Variants in CFAP47 observed in about 807,000 individuals in gnomAD.
The protein encoded by CFAP47 is cilia and flagella associated protein 47, also known as cilia- and flagella-associated protein 47.
In CFAP47, 29 loss-of-function variants were observed where a neutral mutation model predicts 148.1. That is an observed-to-expected ratio of 0.20 (90% CI 0.15 to 0.27). CFAP47 has a LOEUF of 0.27. Ranked by LOEUF, CFAP47 falls within the 10% of genes least tolerant of loss-of-function variation. The pLI is 1.00. For missense variants in CFAP47, 1,872 were observed against 1,697.5 expected, an observed-to-expected ratio of 1.10 and a Z score of -1.81; for synonymous variants, 664 against 577.3, an observed-to-expected ratio of 1.15 and a Z score of -2.15.
At chrX:36,312,464 C>G (rs868923196) in intron 56 of CFAP47, among the ~76,000 whole-genome samples, 1 of 110,158 alleles carries the variant, frequency 9.1e-6, no homozygotes, top group Admixed American at 9.7e-5. Flanking sequence ...TTTAGATATG[C>G]ACCAAAAAAA....
Position 35,989,431 on chromosome X carries a change from G to T in CFAP47, c.2826G>T (p.Lys942Asn), listed in dbSNP as rs1357329845. Residue 942 changes from lysine to asparagine, a missense_variant, in exon 16 of 64, where the codon AAG becomes AAT. Lys to Asn is a moderately conservative substitution (Grantham distance 94). Transcript: ENST00000378653. ...ATGTCTTTCAAGGAAACGCGTTGAA[G>T]CTAAAATGTGTTGCACATGTAATTA... The part of the protein sequence containing the change: ...ILHVFQGNAL[K>N]LKCVAHLGRT... The T allele has an allele frequency of 8.3e-7, 1 of 1,209,416 alleles. No homozygotes were observed. The highest frequency in any genetic ancestry group is 1.1e-6 in the Non-Finnish European group (1 of 894,594).
chrX:36,354,208 G>A (rs1941766530), intron 60 of CFAP47, among the ~76,000 whole-genome samples: 1 of 111,310 alleles, frequency 9.0e-6, no homozygotes, highest in South Asian at 3.8e-4. Flanking sequence ...CGGGCCAGGT[G>A]CGGTGGCTCA....
At chrX:36,330,239 A>AGC (rs781933613) in intron 57 of CFAP47, among the ~76,000 whole-genome samples, 19,682 of 111,144 alleles carry the variant, frequency 0.18, 1,361 homozygotes, top group South Asian at 0.3. Context: ...TTGCTGCATT[A>AGC]ATACTGAGTA....
At chrX:36,160,881 G>A (rs1034385144) in intron 39 of CFAP47, 112 bp downstream of exon 39, 4 of 222,967 alleles carry the variant, frequency 1.8e-5, no homozygotes, top group Admixed American at 1.8e-4. Context: ...AGACAGTCTC[G>A]CTCTGTGGTC....
In CFAP47 at chrX:36,211,563, C is replaced by A. The variant is rs782335319; in HGVS notation, c.6817+6453C>A. The A allele has an allele frequency of 1.3e-5, 4 of 297,357 alleles. No homozygotes were observed. In the East Asian group the frequency reaches 3.7e-4, roughly 27 times the overall value. The allele number at this position is 297,357 out of a possible 1,213,427, so 24.5% of individuals were successfully genotyped here. A position where few individuals can be genotyped will look rare whatever the true frequency, so the allele number is the denominator to read the frequency against. On this transcript the variant is annotated intron_variant, in intron 45 of 63. Coordinates refer to ENST00000378653, the MANE Select transcript of CFAP47 (RefSeq NM_001304548.2). ...GCCTCATGAAAAGAAGGCTGTGAAGCTGAAGGAAAAATACAAAAAGGATAT... is the reference window on the plus strand; with the variant it reads ...GCCTCATGAAAAGAAGGCTGTGAAGATGAAGGAAAAATACAAAAAGGATAT...
At chrX:36,140,934 T>G (rs1223225615) in intron 35 of CFAP47, among the ~76,000 whole-genome samples, 6 of 111,513 alleles carry the variant, frequency 5.4e-5, no homozygotes. Flanking sequence ...ATGCATGTTT[T>G]GTTCCCTCAT....
In CFAP47 at chrX:36,008,535, C is replaced by T. The variant is rs182784256; in HGVS notation, c.3418-6239C>T. ...CTGTAATCCTAGCACTTTGGGAGGTCGAGGTGGGAAGATTACCTGAGGTCA... is the reference window on the plus strand; with the variant it reads ...CTGTAATCCTAGCACTTTGGGAGGTTGAGGTGGGAAGATTACCTGAGGTCA... On this transcript the variant is annotated intron_variant, in intron 21 of 63. Transcript: ENST00000378653. 4.9e-3 allele frequency among the ~76,000 whole-genome samples: 541 copies of T among 109,671 alleles called. 2 individuals carry two copies. The highest frequency in any genetic ancestry group is 0.017 in the African/African-American group (507 of 30,104).
intron 3 of CFAP47, among the ~76,000 whole-genome samples, chrX:35,943,953 A>G (rs1228752609): frequency 1.8e-5 from 2 of 111,447 alleles, no homozygotes; most frequent in Admixed American, 9.6e-5. Context: ...GTATTATAAC[A>G]TAGAACAGTT....
chrX:36,347,875 C>A (rs1556016844), intron 57 of CFAP47, among the ~76,000 whole-genome samples: 2 of 110,931 alleles, frequency 1.8e-5, no homozygotes, highest in Non-Finnish European at 3.8e-5. Context: ...CACGTGTATA[C>A]CTATGTAACA....
At position 36,138,159 on chromosome X, in the gene CFAP47, C is replaced by T. The variant is rs974442902; in HGVS notation, c.5418+104C>T. 5.9e-6 allele frequency: 3 copies of T among 512,146 alleles called. No homozygotes were observed. In the African/African-American group the frequency reaches 7.5e-5, roughly 13 times the overall value. The allele number at this position is 512,146 out of a possible 1,213,427, so 42.2% of individuals were successfully genotyped here. ...TAAACAGATTATTTCGAATGTCTTA[C>T]ATTCAAGTCAAACACCTGAATCTGC... On this transcript the variant is annotated intron_variant, in intron 34 of 63. Transcript: ENST00000378653.
intron 57 of CFAP47, among the ~76,000 whole-genome samples, chrX:36,338,996 A>G (rs1258875707): frequency 8.9e-5 from 10 of 112,402 alleles, no homozygotes; most frequent in African/African-American, 3.2e-4. Flanking sequence ...ACTTGCCGAC[A>G]CATTCTGGAA....
At chrX:36,303,369 G>C (rs1569313014) in intron 53 of CFAP47, among the ~76,000 whole-genome samples, 1 of 110,706 alleles carries the variant, frequency 9.0e-6, no homozygotes, top group Admixed American at 9.7e-5. Flanking sequence ...ATTTTTTGTA[G>C]AGACAGGTTC....
chrX:36,079,408 T>C (rs112639752), intron 29 of CFAP47, among the ~76,000 whole-genome samples: 2,906 of 111,631 alleles, frequency 0.026, 92 homozygotes, highest in African/African-American at 0.09. Flanking sequence ...CTTCTTTTCT[T>C]GCTTCATTTC....
chrX:36,009,086 G>T (rs182386118), intron 21 of CFAP47, among the ~76,000 whole-genome samples: 2 of 110,994 alleles, frequency 1.8e-5, no homozygotes, highest in Admixed American at 1.9e-4. Context: ...AGAAAAGATG[G>T]GTCCTATCAT....
rs1419662196 is a variant in CFAP47, at chrX:35,967,687, T to G, written c.1669T>G (p.Tyr557Asp). The G allele has an allele frequency of 8.3e-7, 1 of 1,210,044 alleles. No homozygotes were observed. The highest frequency in any genetic ancestry group is 1.1e-6 in the Non-Finnish European group (1 of 894,476). The change falls in exon 10 of 64, where the codon TAT (tyrosine) becomes GAT (aspartate). Residue 557 changes from tyrosine (Y) to aspartate (D), a missense_variant. Transcript: ENST00000378653. ...CAAAGACTTGGCAAAACGCAAGAAT[T>G]ATGCACCTGTAGCAATGCTTCAATC... is the stretch of plus-strand genomic sequence containing the variant. ...VVKDLAKRKN[Y>D]APVAMLQSAM...
At position 36,124,089 on chromosome X, in the gene CFAP47, C is replaced by T. The variant is rs1467154170; in HGVS notation, c.5321-13869C>T. Among the ~76,000 whole-genome samples the T allele has an allele frequency of 2.7e-5, 3 of 111,275 alleles. No individual in the cohort carries two copies. The Admixed American group carries it at 2.9e-4, about 11-fold the overall frequency. On this transcript the variant is annotated intron_variant, in intron 33 of 63. Coordinates refer to ENST00000378653, the MANE Select transcript of CFAP47 (RefSeq NM_001304548.2). ...TGTGTCTAGAAGTAGTGTCCAGGAG[C>T]TGAGTTCTAGAAAGAGGACCTCACA...
chrX:36,223,815 C>T (rs782659958), intron 45 of CFAP47, among the ~76,000 whole-genome samples: 5 of 110,966 alleles, frequency 4.5e-5, no homozygotes, highest in African/African-American at 9.8e-5. Context: ...ATACACAGTA[C>T]GTCTAAGCCA....
intron 39 of CFAP47, among the ~76,000 whole-genome samples, chrX:36,174,244 C>T (rs1186142947): frequency 9.1e-6 from 1 of 110,166 alleles, no homozygotes; most frequent in African/African-American, 3.3e-5. Context: ...TGGGTCTTGA[C>T]TCTTTATCCA....
At chrX:36,221,423 A>G (rs1940212594) in intron 45 of CFAP47, among the ~76,000 whole-genome samples, 1 of 111,820 alleles carries the variant, frequency 8.9e-6, no homozygotes, top group African/African-American at 3.2e-5. Flanking sequence ...AGAGGCATAA[A>G]TGAAAATAAA....
Sources: gnomAD v4.1 joint callset for allele counts (sites outside exome capture counted in the v4.1 genomes callset) on GRCh38, gnomAD v4.1.1 for gene constraint, MANE v1.5 for transcripts, NCBI Gene and HGNC (gene_info 2026-07-23, HGNC 2026-07-21) for gene names.